ANKRD45: variants seen among roughly 807,000 people sequenced by gnomAD.
The protein encoded by ANKRD45 is ankyrin repeat domain 45, also known as ankyrin repeat domain-containing protein 45.
Under a neutral mutation model 28.1 loss-of-function variants are expected in ANKRD45, and 21 were observed. The ratio of observed to expected loss-of-function variants is 0.75; its 90% CI spans 0.53 to 1.08. The LOEUF is 1.08. ANKRD45 is among the 50% of genes least tolerant of loss of function. ANKRD45 has a pLI of 0.00. For missense variants in ANKRD45, 261 were observed against 308.7 expected, an observed-to-expected ratio of 0.85 and a Z score of 1.16; for synonymous variants, 86 against 103.9, an observed-to-expected ratio of 0.83 and a Z score of 1.05.
intron 3 of ANKRD45, among the ~76,000 whole-genome samples, chr1:173,628,732 T>A (rs2102330009): frequency 6.6e-6 from 1 of 152,296 alleles, no homozygotes. Context: ...GAAGGACGCA[T>A]GCCTGGCTGT....
chr1:173,702,239 A>C, the ANKRD45 span, among the ~76,000 whole-genome samples: 3 of 152,346 alleles, frequency 2.0e-5, no homozygotes, highest in South Asian at 6.2e-4. Context: ...TTTTCTAATT[A>C]GAAGATTTTG....
rs1218839619 is a variant in ANKRD45, at chr1:173,609,007, TAAA to T, written c.*1135_*1137del. Among the ~76,000 whole-genome samples, 1 of 120,282 alleles carries T rather than the reference TAAA, an allele frequency of 8.3e-6. No homozygotes were observed. The allele number at this position is 120,282 out of a possible 152,430, so 78.9% of individuals were successfully genotyped here. A position where few individuals can be genotyped will look rare whatever the true frequency, so the allele number is the denominator to read the frequency against. ...GAAAAGGGAGAAGGGAGAAGGAGGG[TAAA>T]AAAAAAAAAGGAGCAAACACAGGTC... On this transcript the variant is annotated 3_prime_UTR_variant, in exon 6 of 6. Transcript: ENST00000333279.
At chr1:173,666,051 T>C (rs1196072829) in intron 1 of ANKRD45, among the ~76,000 whole-genome samples, 1 of 152,118 alleles carries the variant, frequency 6.6e-6, no homozygotes, top group Non-Finnish European at 1.5e-5. Flanking sequence ...ATAAAGTACG[T>C]ATTAATTCAT....
the ANKRD45 span, among the ~76,000 whole-genome samples, chr1:173,709,994 T>C: frequency 1.3e-5 from 2 of 152,178 alleles, no homozygotes; most frequent in South Asian, 4.1e-4. Flanking sequence ...ACTAATTATG[T>C]AATTCATGGT....
chr1:173,714,877 T>C, the ANKRD45 span: 1 of 152,346 alleles, frequency 6.6e-6, no homozygotes, highest in Non-Finnish European at 1.5e-5. Flanking sequence ...CCGGAACCCC[T>C]TGGCGGATTA....
the ANKRD45 span, among the ~76,000 whole-genome samples, chr1:173,680,066 TAA>T: frequency 1.3e-5 from 2 of 152,118 alleles, no homozygotes. Context: ...TGTGGAGAAA[TAA>T]GAATGCTTTT....
At chr1:173,653,922 C>CT (rs1185149394) in intron 2 of ANKRD45, among the ~76,000 whole-genome samples, 4,671 of 100,194 alleles carry the variant, frequency 0.047, 200 homozygotes, top group African/African-American at 0.11. Flanking sequence ...GCAACCCTTG[C>CT]TTTTTTTTTT....
intron 2 of ANKRD45, 153 bp downstream of exon 2, chr1:173,658,938 A>C (rs368838482): frequency 9.4e-7 from 1 of 1,063,220 alleles, no homozygotes. Flanking sequence ...TGATACATTT[A>C]CATGTATACA....
chr1:173,693,247 T>A, the ANKRD45 span, among the ~76,000 whole-genome samples: 6 of 151,870 alleles, frequency 4.0e-5, no homozygotes, highest in Non-Finnish European at 8.8e-5. Flanking sequence ...TGAGCTGAGA[T>A]CATGCCATTG....
At chr1:173,670,549 G>C (rs573813772), upstream of ANKRD45, among the ~76,000 whole-genome samples, 3 of 152,254 alleles carry the variant, frequency 2.0e-5, no homozygotes, top group African/African-American at 7.2e-5. Context: ...TTTTAGAGGG[G>C]CTCTGAACAT....
chr1:173,674,085 T>C (rs1223101585), upstream of ANKRD45, among the ~76,000 whole-genome samples: 2 of 152,244 alleles, frequency 1.3e-5, no homozygotes, highest in East Asian at 1.9e-4. Flanking sequence ...CACGGCCCAC[T>C]GTAGCCTCAT....
At chr1:173,635,339 T>C in intron 3 of ANKRD45, 1 of 563,000 alleles carries the variant, frequency 1.8e-6, no homozygotes, top group South Asian at 2.3e-5. Flanking sequence ...TTGCTGGGCA[T>C]ATTTTGCTGA....
chr1:173,658,928 T>C (rs536837676), intron 2 of ANKRD45, 163 bp downstream of exon 2: 2 of 1,011,944 alleles, frequency 2.0e-6, no homozygotes, highest in Admixed American at 6.5e-5. Context: ...ATATCAACAT[T>C]GATACATTTA....
intron 1 of ANKRD45, among the ~76,000 whole-genome samples, chr1:173,663,183 T>C (rs1669861799): frequency 6.6e-6 from 1 of 152,134 alleles, no homozygotes; most frequent in Non-Finnish European, 1.5e-5. Context: ...AGCAGGATTC[T>C]TCTTTTCTCT....
chr1:173,698,869 A>C, the ANKRD45 span, among the ~76,000 whole-genome samples: 1 of 152,136 alleles, frequency 6.6e-6, no homozygotes, highest in African/African-American at 2.4e-5. Flanking sequence ...CAAAAAAATC[A>C]ATGAATCCAG....
the ANKRD45 span, among the ~76,000 whole-genome samples, chr1:173,708,648 C>CAA: frequency 9.8e-5 from 15 of 152,320 alleles, 1 homozygote; most frequent in South Asian, 3.1e-3. Context: ...GCACTGTTAT[C>CAA]TTTATGAAAT....
intron 2 of ANKRD45, among the ~76,000 whole-genome samples, chr1:173,651,124 T>G (rs999119519): frequency 6.6e-6 from 1 of 152,228 alleles, no homozygotes. Context: ...ATTTGGGCTT[T>G]TGTTGCCATT....
At chr1:173,698,261 T>G in the ANKRD45 span, among the ~76,000 whole-genome samples, 1 of 151,950 alleles carries the variant, frequency 6.6e-6, no homozygotes, top group Non-Finnish European at 1.5e-5. Flanking sequence ...CAGATCAACA[T>G]GACAGGAGGT....
At chr1:173,642,395 T>C (rs1472684950) in intron 3 of ANKRD45, among the ~76,000 whole-genome samples, 4 of 152,134 alleles carry the variant, frequency 2.6e-5, no homozygotes, top group Admixed American at 2.0e-4. Context: ...ACAGAGCAAC[T>C]GAGTCAAGAC....
Sources: gnomAD v4.1 joint callset for allele counts (sites outside exome capture counted in the v4.1 genomes callset) on GRCh38, gnomAD v4.1.1 for gene constraint, MANE v1.5 for transcripts, NCBI Gene and HGNC (gene_info 2026-07-23, HGNC 2026-07-21) for gene names.